XG: variants seen among roughly 807,000 people sequenced by gnomAD.
XG encodes Xg glycoprotein (Xg blood group).
In XG, 24 loss-of-function variants were observed where a neutral mutation model predicts 25.7. The ratio of observed to expected loss-of-function variants is 0.93; its 90% CI spans 0.68 to 1.31. XG has a LOEUF of 1.31. Among genes scored for constraint, XG ranks in the 40% most tolerant of loss-of-function variants. The probability of loss-of-function intolerance (pLI) is 0.00; values close to 1 mark genes in which losing one functional copy is unlikely to be tolerated. For missense variants in XG, 181 were observed against 187.6 expected (o/e 0.96, Z 0.21); for synonymous variants, 77 against 69.2 (o/e 1.11, Z -0.56).
At chrX:2,765,043 A>C (rs2050647045) in intron 1 of XG, among the ~76,000 whole-genome samples, 1 of 123,230 alleles carries the variant, frequency 8.1e-6, no homozygotes, top group Non-Finnish European at 1.6e-5. Flanking sequence ...TCTTTATCCA[A>C]AAAAAAAAAA....
chrX:2,759,864 T>C (rs1197465137), intron 1 of XG, among the ~76,000 whole-genome samples: 1 of 152,224 alleles, frequency 6.6e-6, no homozygotes, highest in Non-Finnish European at 1.5e-5. Context: ...CAGAGGCACC[T>C]AAACCTGTGA....
intron 4 of XG, among the ~76,000 whole-genome samples, chrX:2,787,839 G>A (rs1418581305): frequency 1.9e-5 from 2 of 107,876 alleles, no homozygotes; most frequent in Non-Finnish European, 3.8e-5. Context: ...CCCAGGAGGC[G>A]GAGGTTGCAG....
At chrX:2,797,069 C>T (rs1301406926) in intron 6 of XG, among the ~76,000 whole-genome samples, 3 of 111,425 alleles carry the variant, frequency 2.7e-5, no homozygotes, top group Non-Finnish European at 3.8e-5. Context: ...AGTCCCGTGA[C>T]GGCAAAGTGT....
rs377335827 is a variant in XG, at chrX:2,776,670, C to G, written c.127+1931C>G. Among the ~76,000 whole-genome samples, 13 of 152,054 alleles carry G rather than the reference C, an allele frequency of 8.5e-5. No homozygotes were observed. In the East Asian group the frequency reaches 9.7e-4, roughly 11 times the overall value. ...CCAGGTTGGGCATTACAGGTGAAAC[C>G]CCGTCTCTACTAAAAAATACAAAAA... is the stretch of plus-strand genomic sequence containing the variant. On this transcript the variant is annotated intron_variant, in intron 3 of 10. Transcript: ENST00000644266.
chrX:2,765,388 A>AGGAAGGAG (rs1225755135), intron 1 of XG, among the ~76,000 whole-genome samples: 3 of 150,298 alleles, frequency 2.0e-5, no homozygotes, highest in African/African-American at 4.9e-5. Flanking sequence ...GAAGGAAGGA[A>AGGAAGGAG]GGAAGGAAGG....
Position 2,784,881 on chromosome X carries a change from G to A in XG, c.190+2753G>A, listed in dbSNP as rs775427276. Among the ~76,000 whole-genome samples the A allele has an allele frequency of 9.4e-4, 106 of 112,528 alleles. 1 individual carries two copies. Among genetic ancestry groups the A allele is most frequent in the Admixed American group, 3.4e-3 (36 of 10,613 alleles). On this transcript the variant is annotated intron_variant, in intron 4 of 10. Transcript: ENST00000644266. The stretch of plus-strand genomic sequence containing the variant: ...GTCCTGAATTATTAATCAATACTGT[G>A]TGAATCCAAAATATCTGAGACAGGT...
rs1008404229 is a variant in XG, at chrX:2,815,449, A to C, written c.*1069A>C. ...CTGGAATGTATATATGGGGCCCATA[A>C]AAATTCCCAGTATGCATGTTTTATG... On this transcript the variant is annotated 3_prime_UTR_variant, in exon 11 of 11. Coordinates refer to ENST00000644266, the MANE Select transcript of XG (RefSeq NM_001141919.2). The C allele has an allele frequency of 8.9e-6, 1 of 111,884 alleles. No homozygotes were observed. The highest frequency in any genetic ancestry group is 3.2e-5 in the African/African-American group (1 of 30,813). 9.2% of individuals were successfully genotyped at this position (111,884 alleles called of 1,213,427 possible). A position where few individuals can be genotyped will look rare whatever the true frequency, so the allele number is the denominator to read the frequency against.
rs5939319 is a variant in XG, at chrX:2,782,116, G to T, written c.178G>T (p.Asp60Tyr). 3 of 1,211,262 alleles carry T rather than the reference G, an allele frequency of 2.5e-6. No homozygotes were observed. Among genetic ancestry groups the T allele is most frequent in the Non-Finnish European group, 3.4e-6 (3 of 895,151 alleles). ...PPYYPQPENP[D>Y]SGGNIYPRPK... ...TTACTACCCACAGCCCGAGAATCCC[G>T]ACAGCGGTGGAAGTAAGAATCCGCA... Residue 60 changes from aspartate to tyrosine, a missense_variant, in exon 4 of 11, where the codon GAC becomes TAC. Coordinates refer to ENST00000644266, the MANE Select transcript of XG (RefSeq NM_001141919.2).
intron 3 of XG, 77 bp from the exon 4 acceptor site, chrX:2,781,989 T>G: frequency 2.1e-5 from 22 of 1,038,748 alleles, no homozygotes; most frequent in Non-Finnish European, 2.7e-5. Context: ...GTCACGCTGA[T>G]GAGCTTGTTT....
chrX:2,808,392 C>T, intron 9 of XG, 172 bp downstream of exon 9: 13 of 781,631 alleles, frequency 1.7e-5, no homozygotes, highest in Non-Finnish European at 1.8e-5. Context: ...ACCTTCAGCA[C>T]AGGACCAATC....
intron 4 of XG, among the ~76,000 whole-genome samples, chrX:2,787,784 G>C (rs2086798117): frequency 9.1e-6 from 1 of 110,350 alleles, no homozygotes; most frequent in Non-Finnish European, 1.9e-5. Flanking sequence ...GTGTATACCT[G>C]TAATCCCAGC....
chrX:2,785,896 G>A (rs2086778705), intron 4 of XG, among the ~76,000 whole-genome samples: 1 of 111,340 alleles, frequency 9.0e-6, no homozygotes, highest in South Asian at 3.8e-4. Flanking sequence ...ACATTGGGAA[G>A]ACCCCAGAGA....
chrX:2,801,711 TTTTTTA>T (rs2086939324), intron 7 of XG, among the ~76,000 whole-genome samples: 1 of 107,929 alleles, frequency 9.3e-6, no homozygotes, highest in African/African-American at 3.6e-5. Flanking sequence ...TTATTTTTTA[TTTTTTA>T]TTTTTTTTTG....
chrX:2,807,416 G>A (rs1353483006), intron 8 of XG, among the ~76,000 whole-genome samples: 3 of 111,797 alleles, frequency 2.7e-5, no homozygotes, highest in Non-Finnish European at 3.8e-5. Context: ...GTATACATGC[G>A]TGTGTACAGG....
At chrX:2,766,685 C>T (rs1256318450) in intron 1 of XG, among the ~76,000 whole-genome samples, 1 of 151,230 alleles carries the variant, frequency 6.6e-6, no homozygotes, top group African/African-American at 2.4e-5. Flanking sequence ...CTGCCTCAGC[C>T]TCCCGAGTAG....
intron 3 of XG, among the ~76,000 whole-genome samples, chrX:2,775,768 C>G (rs762946865): frequency 9.5e-4 from 143 of 150,926 alleles, no homozygotes; most frequent in African/African-American, 3.1e-3. Context: ...CCAACCTGGC[C>G]AACATGGTGA....
chrX:2,758,975 C>T (rs2050498282), intron 1 of XG, among the ~76,000 whole-genome samples: 1 of 152,184 alleles, frequency 6.6e-6, no homozygotes, highest in Non-Finnish European at 1.5e-5. Flanking sequence ...TTTCTACCTA[C>T]TTCTCTATCC....
At chrX:2,793,984 T>A (rs1293253548) in intron 5 of XG, among the ~76,000 whole-genome samples, 2 of 110,062 alleles carry the variant, frequency 1.8e-5, no homozygotes, top group Non-Finnish European at 3.8e-5. Context: ...GGACATGAGA[T>A]GATGTTGGAG....
At chrX:2,763,167 C>A (rs1263124743) in intron 1 of XG, among the ~76,000 whole-genome samples, 1 of 152,048 alleles carries the variant, frequency 6.6e-6, no homozygotes, top group Non-Finnish European at 1.5e-5. Context: ...CAGGTGCACA[C>A]CACCACGCCC....
Sources: allele counts gnomAD v4.1 joint callset (sites outside exome capture counted in the v4.1 genomes callset), GRCh38; gene constraint gnomAD v4.1.1; transcripts MANE v1.5; gene names NCBI Gene and HGNC (gene_info 2026-07-23, HGNC 2026-07-21).